Variants in CHD2 observed in about 807,000 individuals in gnomAD.
CHD2 encodes ATP-dependent chromatin remodeler CHD2.
A neutral mutation model predicts 243.9 loss-of-function variants in CHD2; 28 were observed. The observed-to-expected ratio is 0.11, with a 90% CI of 0.09 to 0.16. CHD2 has a LOEUF of 0.16. Among genes scored for constraint, CHD2 ranks in the 10% least tolerant of loss-of-function variants. The pLI is 1.00. For missense variants in CHD2, 1,386 were observed against 2,209.8 expected (o/e 0.63, Z 7.47); for synonymous variants, 775 against 779.0 (o/e 0.99, Z 0.09).
chr15:92,929,102 C>G lies in CHD2; in HGVS notation c.443+11C>G. On this transcript the variant is annotated intron_variant, in intron 5 of 38. Transcript: ENST00000394196. ...GCAGCTGAAAAAACAGTAAGTCTTT[C>G]ATGGGGGAAATTATTCAATCTAGTA... 6.3e-7 allele frequency: 1 copy of G among 1,597,452 alleles called. No individual in the cohort carries two copies. The highest frequency in any genetic ancestry group is 1.7e-5 in the Admixed American group (1 of 58,724).
Position 92,904,882 on chromosome 15 carries a change from G to T in CHD2, c.62+3583G>T, listed in dbSNP as rs1470147202. 6 of 1,532,410 alleles carry T rather than the reference G, an allele frequency of 3.9e-6. No homozygotes were observed. In the Admixed American group the frequency reaches 1.2e-4, roughly 31 times the overall value. 94.9% of individuals were successfully genotyped at this position (1,532,410 alleles called of 1,614,324 possible). A position where few individuals can be genotyped will look rare whatever the true frequency, so the allele number is the denominator to read the frequency against. On this transcript the variant is annotated intron_variant, in intron 2 of 38. Coordinates refer to ENST00000394196, the MANE Select transcript of CHD2 (RefSeq NM_001271.4). Reference sequence around the variant, plus strand: ...ACTTTTATTTTAGTGAAAACCTCTTGACGGGTGTTAACAGCTGTTTAATAC... The same window carrying T: ...ACTTTTATTTTAGTGAAAACCTCTTTACGGGTGTTAACAGCTGTTTAATAC...
At chr15:92,945,705 T>C (rs1050301423) in intron 10 of CHD2, 116 bp from the exon 11 acceptor site, 16 of 616,466 alleles carry the variant, frequency 2.6e-5, no homozygotes, top group Non-Finnish European at 4.2e-5. Context: ...CATTTTTTTT[T>C]TTTCTTTTTT....
intron 23 of CHD2, 61 bp downstream of exon 23, chr15:92,980,972 T>A: frequency 9.1e-7 from 1 of 1,101,000 alleles, no homozygotes; most frequent in South Asian, 1.3e-5. Flanking sequence ...GAGTCTAACT[T>A]TTCTGTAAGA....
chr15:92,987,616 GAAAAAAA>G (rs34625310), intron 26 of CHD2, among the ~76,000 whole-genome samples: 1 of 143,766 alleles, frequency 7.0e-6, no homozygotes. Flanking sequence ...AAAGAAGAAG[GAAAAAAA>G]AAAAAAGATG....
intron 2 of CHD2, among the ~76,000 whole-genome samples, chr15:92,908,351 A>G (rs2052661270): frequency 6.6e-6 from 1 of 152,196 alleles, no homozygotes; most frequent in Non-Finnish European, 1.5e-5. Context: ...GTCTTAGCAT[A>G]ATGCCGAACA....
chr15:92,985,207 C>G (rs1181197155), intron 25 of CHD2, among the ~76,000 whole-genome samples: 2 of 152,192 alleles, frequency 1.3e-5, no homozygotes, highest in African/African-American at 4.8e-5. Flanking sequence ...AGTAAAATTA[C>G]TTGCCCAAAG....
rs375586659 is a variant in CHD2, at chr15:93,017,093, T to C, written c.4906+2184T>C. ...CGATTGCTAAGAGTGTGAATTGCTATAATCTTTGCAGAAAATAATCTGAAA... is the reference window on the plus strand; with the variant it reads ...CGATTGCTAAGAGTGTGAATTGCTACAATCTTTGCAGAAAATAATCTGAAA... On this transcript the variant is annotated intron_variant, in intron 37 of 38. Transcript: ENST00000394196. 2.6e-5 allele frequency among the ~76,000 whole-genome samples: 4 copies of C among 152,206 alleles called. No homozygotes were observed. The East Asian group carries it at 5.8e-4, about 22-fold the overall frequency.
intron 37 of CHD2, among the ~76,000 whole-genome samples, chr15:93,018,791 C>G (rs2054494143): frequency 6.6e-6 from 1 of 151,622 alleles, no homozygotes; most frequent in Non-Finnish European, 1.5e-5. Flanking sequence ...CATAGCCTGT[C>G]ATAGCTCCCT....
At chr15:92,902,417 A>G (rs965924933) in intron 2 of CHD2, 6 of 371,546 alleles carry the variant, frequency 1.6e-5, no homozygotes, top group Non-Finnish European at 2.9e-5. Flanking sequence ...GATGTGATTC[A>G]TTATGTGGTT....
chr15:92,927,938 A>G (rs556522296), intron 4 of CHD2, among the ~76,000 whole-genome samples: 22 of 151,974 alleles, frequency 1.4e-4, no homozygotes, highest in Non-Finnish European at 2.5e-4. Context: ...GACTTCTTTC[A>G]CCTTTCTCAT....
chr15:92,932,422 C>T (rs1230209194), intron 5 of CHD2, among the ~76,000 whole-genome samples: 1 of 138,032 alleles, frequency 7.2e-6, no homozygotes. Context: ...AGGTATATCT[C>T]CTAATGCTGA....
At chr15:93,004,465 TC>T (rs2054295388) in intron 33 of CHD2, 151 bp from the exon 34 acceptor site, 9 of 638,030 alleles carry the variant, frequency 1.4e-5, no homozygotes, top group Non-Finnish European at 1.5e-5. Flanking sequence ...AGGTTTGTCT[TC>T]ATGATGTTTC....
At chr15:92,904,891 T>C in intron 2 of CHD2, 2 of 1,534,976 alleles carry the variant, frequency 1.3e-6, no homozygotes, top group Non-Finnish European at 1.7e-6. Context: ...TGACGGGTGT[T>C]AACAGCTGTT....
At chr15:92,946,561 A>C (rs1276916990) in intron 12 of CHD2, 1 of 155,896 alleles carries the variant, frequency 6.4e-6, no homozygotes, top group Non-Finnish European at 1.4e-5. Context: ...ATCTTGGCTA[A>C]CTGCAACCTC....
rs1596392521 is a variant in CHD2, at chr15:92,939,656, GGAT to G, written c.642_644del (p.Asp215del). 6.2e-7 allele frequency: 1 copy of G among 1,613,980 alleles called. No individual in the cohort carries two copies. Among genetic ancestry groups the G allele is most frequent in the Admixed American group, 1.7e-5 (1 of 60,014 alleles). ...GAAAAAAGCAAGATTCTTCTGATGA[GGAT>G]GATGATGATGACGAAGCTCCCAAAA... is the stretch of plus-strand genomic sequence containing the variant. On this transcript the variant is annotated inframe_deletion, in exon 7 of 39. Transcript: ENST00000394196.
At chr15:92,969,256 T>G (rs182470939) in intron 17 of CHD2, among the ~76,000 whole-genome samples, 22 of 152,334 alleles carry the variant, frequency 1.4e-4, no homozygotes, top group Admixed American at 1.4e-3. Context: ...TGGCTAATAT[T>G]CTGTTGCCTT....
intron 2 of CHD2, among the ~76,000 whole-genome samples, chr15:92,912,957 GA>G (rs2052768197): frequency 6.6e-6 from 1 of 152,154 alleles, no homozygotes; most frequent in African/African-American, 2.4e-5. Context: ...AGCAGTAATG[GA>G]TCAAACTCTT....
chr15:93,012,912 T>C (rs2054410667), intron 36 of CHD2, among the ~76,000 whole-genome samples: 1 of 152,210 alleles, frequency 6.6e-6, no homozygotes, highest in South Asian at 2.1e-4. Context: ...AGAAGTGACA[T>C]GGAGGAGGCT....
Position 92,900,675 on chromosome 15 carries a change from A to AT in CHD2, c.-214dup, listed in dbSNP as rs1357386637. The AT allele has an allele frequency of 2.8e-5, 11 of 396,808 alleles. No individual in the cohort carries two copies. Among genetic ancestry groups the AT allele is most frequent in the African/African-American group, 6.2e-5 (3 of 48,316 alleles). The allele number at this position is 396,808 out of a possible 1,614,324, so 24.6% of individuals were successfully genotyped here. A position where few individuals can be genotyped will look rare whatever the true frequency, so the allele number is the denominator to read the frequency against. ...CTGTTTTAGTATTAATTATTGCTTTATTTTTTTGACCAGTTAACATATTTG... is the reference window on the plus strand; with the variant it reads ...CTGTTTTAGTATTAATTATTGCTTTATTTTTTTTGACCAGTTAACATATTTG... On this transcript the variant is annotated 5_prime_UTR_variant, in exon 1 of 39. The change abolishes the stop of an existing upstream ORF in the 5' untranslated region. Transcript: ENST00000394196.
Sources: gnomAD v4.1 joint callset for allele counts (sites outside exome capture counted in the v4.1 genomes callset) on GRCh38, gnomAD v4.1.1 for gene constraint, MANE v1.5 for transcripts, NCBI Gene and HGNC (gene_info 2026-07-23, HGNC 2026-07-21) for gene names.